The following NEGR1 variants were observed in gnomAD, a reference collection of about 807,000 sequenced individuals.
NEGR1 encodes the protein IgLON family member 4.
Under a neutral mutation model 40.9 loss-of-function variants are expected in NEGR1, and 10 were observed. The observed-to-expected ratio is 0.24, with a 90% CI of 0.15 to 0.42. The LOEUF (loss-of-function observed/expected upper bound fraction) is 0.42, where lower values mean the gene tolerates loss of function less well. NEGR1 is among the 10% of genes least tolerant of loss of function. The pLI is 1.00. For missense variants in NEGR1, 352 were observed against 438.9 expected, an observed-to-expected ratio of 0.80 and a Z score of 1.77; for synonymous variants, 185 against 166.8, an observed-to-expected ratio of 1.11 and a Z score of -0.84.
Position 71,407,282 on chromosome 1 carries a change from T to A in NEGR1, c.*164A>T. The A allele has an allele frequency of 3.6e-6, 2 of 548,414 alleles. No individual in the cohort carries two copies. Among genetic ancestry groups the A allele is most frequent in the Non-Finnish European group, 6.5e-6 (2 of 307,420 alleles). The allele number at this position is 548,414 out of a possible 1,614,324, so 34.0% of individuals were successfully genotyped here. On this transcript the variant is annotated 3_prime_UTR_variant, in exon 7 of 7. Transcript: ENST00000357731. The stretch of plus-strand genomic sequence containing the variant: ...GGTAATGTAGCTAATCAAAAAAGAG[T>A]AGAATTAAAGTATTTACATAATGAG...
chr1:71,996,187 G>A (rs1646503399), intron 1 of NEGR1, among the ~76,000 whole-genome samples: 1 of 152,032 alleles, frequency 6.6e-6, no homozygotes, highest in Admixed American at 6.6e-5. Context: ...AAATATGGAT[G>A]TATGTAAAAA....
At chr1:71,999,677 A>ATATATG (rs1442538212) in intron 1 of NEGR1, among the ~76,000 whole-genome samples, 1 of 52,978 alleles carries the variant, frequency 1.9e-5, no homozygotes, top group African/African-American at 5.9e-5. Flanking sequence ...ATATATATAT[A>ATATATG]TACATACATA....
At chr1:72,021,678 C>A (rs972845784) in intron 1 of NEGR1, among the ~76,000 whole-genome samples, 8 of 152,070 alleles carry the variant, frequency 5.3e-5, no homozygotes, top group Non-Finnish European at 1.2e-4. Flanking sequence ...ACTCAAAAAA[C>A]TTACTCAAAA....
At chr1:71,596,733 T>C (rs926334599) in intron 5 of NEGR1, among the ~76,000 whole-genome samples, 2 of 152,244 alleles carry the variant, frequency 1.3e-5, no homozygotes, top group African/African-American at 2.4e-5. Context: ...ACTATCTGTC[T>C]TTCCAGGTCA....
chr1:71,423,016 A>C (rs1646407542), intron 6 of NEGR1: 1 of 152,170 alleles, frequency 6.6e-6, no homozygotes, highest in Non-Finnish European at 1.5e-5. Context: ...TTGTTTTTTA[A>C]GTTATGAAAC....
At chr1:72,092,258 G>A (rs748706423) in intron 1 of NEGR1, among the ~76,000 whole-genome samples, 2 of 152,130 alleles carry the variant, frequency 1.3e-5, no homozygotes, top group Admixed American at 6.5e-5. Flanking sequence ...AGGCTGGAGG[G>A]CATCCTGCAC....
intron 6 of NEGR1, among the ~76,000 whole-genome samples, chr1:71,438,757 G>T (rs546508070): frequency 6.6e-6 from 1 of 152,238 alleles, no homozygotes; most frequent in Non-Finnish European, 1.5e-5. Context: ...AGTGAGATGG[G>T]GCCAGACATT....
At chr1:72,041,586 C>G (rs1646954627) in intron 1 of NEGR1, among the ~76,000 whole-genome samples, 1 of 150,976 alleles carries the variant, frequency 6.6e-6, no homozygotes, top group South Asian at 2.1e-4. Context: ...TGTGGTAGTA[C>G]TTTCAAGAGA....
intron 1 of NEGR1, among the ~76,000 whole-genome samples, chr1:72,078,385 A>C (rs1305923083): frequency 2.0e-5 from 3 of 152,046 alleles, no homozygotes; most frequent in Non-Finnish European, 2.9e-5. Context: ...ATTTCATTAA[A>C]ATTCATACAT....
At chr1:71,960,730 T>C (rs1049585113) in intron 1 of NEGR1, among the ~76,000 whole-genome samples, 1 of 152,174 alleles carries the variant, frequency 6.6e-6, no homozygotes, top group South Asian at 2.1e-4. Context: ...TGTTCCGTCA[T>C]TAAGGCCTGC....
At chr1:72,216,435 A>G (rs1168478638) in intron 1 of NEGR1, among the ~76,000 whole-genome samples, 1 of 146,296 alleles carries the variant, frequency 6.8e-6, no homozygotes, top group Non-Finnish European at 1.5e-5. Context: ...ATATACACAC[A>G]TATATATATA....
intron 2 of NEGR1, among the ~76,000 whole-genome samples, chr1:71,902,852 T>C (rs758675698): frequency 4.6e-5 from 7 of 152,110 alleles, no homozygotes; most frequent in Non-Finnish European, 8.8e-5. Flanking sequence ...TTCTAAAGTA[T>C]ACTTAAATTA....
At chr1:71,787,422 G>C (rs1219913522) in intron 2 of NEGR1, among the ~76,000 whole-genome samples, 1 of 152,122 alleles carries the variant, frequency 6.6e-6, no homozygotes, top group African/African-American at 2.4e-5. Context: ...ATGTGAGTCA[G>C]GACAAAGTAT....
intron 6 of NEGR1, among the ~76,000 whole-genome samples, chr1:71,517,571 G>T (rs1292362580): frequency 1.4e-5 from 2 of 145,890 alleles, no homozygotes; most frequent in Admixed American, 6.8e-5. Context: ...TTGATGGGAT[G>T]TATTTCAAAA....
chr1:71,513,091 A>T (rs1647088429), intron 6 of NEGR1, among the ~76,000 whole-genome samples: 1 of 152,194 alleles, frequency 6.6e-6, no homozygotes, highest in Non-Finnish European at 1.5e-5. Context: ...ACAATTATAG[A>T]TACAATTCAG....
intron 1 of NEGR1, among the ~76,000 whole-genome samples, chr1:72,149,056 AT>A (rs1389995860): frequency 1.5e-4 from 23 of 152,166 alleles, no homozygotes; most frequent in African/African-American, 5.5e-4. Context: ...CATGCTGCTG[AT>A]AAAGACATAC....
chr1:71,563,821 C>T (rs1030001005), intron 6 of NEGR1, among the ~76,000 whole-genome samples: 3 of 151,946 alleles, frequency 2.0e-5, no homozygotes, highest in African/African-American at 7.2e-5. Flanking sequence ...GGAAGGATCA[C>T]AGAGCCCTGT....
chr1:72,268,287 C>T (rs1057464528), intron 1 of NEGR1, among the ~76,000 whole-genome samples: 1 of 151,480 alleles, frequency 6.6e-6, no homozygotes, highest in East Asian at 1.9e-4. Flanking sequence ...GGCACATTCA[C>T]GTATATTATT....
At chr1:72,021,264 T>C (rs576660078) in intron 1 of NEGR1, among the ~76,000 whole-genome samples, 1 of 152,212 alleles carries the variant, frequency 6.6e-6, no homozygotes, top group East Asian at 1.9e-4. Context: ...CCTATCAAAG[T>C]TTGAAGAATT....
Sources: allele counts gnomAD v4.1 joint callset (sites outside exome capture counted in the v4.1 genomes callset), GRCh38; gene constraint gnomAD v4.1.1; transcripts MANE v1.5; gene names NCBI Gene and HGNC (gene_info 2026-07-23, HGNC 2026-07-21).